Variants in DOCK2 observed in about 807,000 individuals in gnomAD.
DOCK2 encodes dedicator of cytokinesis 2.
In DOCK2, 87 loss-of-function variants were observed where a neutral mutation model predicts 248.9. The ratio of observed to expected loss-of-function variants is 0.35; its 90% CI spans 0.29 to 0.42. DOCK2 has a LOEUF of 0.42. Ranked by LOEUF, DOCK2 falls within the 10% of genes least tolerant of loss-of-function variation. DOCK2 has a pLI of 1.00. For missense variants in DOCK2, 1,747 were observed against 2,300.2 expected, an observed-to-expected ratio of 0.76 and a Z score of 4.92; for synonymous variants, 805 against 821.6, an observed-to-expected ratio of 0.98 and a Z score of 0.35.
chr5:169,778,374 G>T (rs1765501477), intron 25 of DOCK2, among the ~76,000 whole-genome samples: 1 of 152,166 alleles, frequency 6.6e-6, no homozygotes, highest in South Asian at 2.1e-4. Flanking sequence ...TAATATTTTT[G>T]TTCTTATAAA....
intron 27 of DOCK2, among the ~76,000 whole-genome samples, chr5:169,864,775 T>C (rs750229997): frequency 2.0e-5 from 3 of 152,184 alleles, no homozygotes; most frequent in Non-Finnish European, 2.9e-5. Context: ...TTGGCATGTG[T>C]TATGCATGAA....
chr5:169,785,501 A>G (rs930039925), intron 25 of DOCK2, among the ~76,000 whole-genome samples: 5 of 152,234 alleles, frequency 3.3e-5, no homozygotes, highest in Non-Finnish European at 5.9e-5. Context: ...ATTAAAATGG[A>G]GAGTAGAACT....
At chr5:169,808,594 C>CG (rs571314456) in intron 26 of DOCK2, among the ~76,000 whole-genome samples, 39 of 152,036 alleles carry the variant, frequency 2.6e-4, no homozygotes, top group African/African-American at 8.7e-4. Flanking sequence ...TTTTCTCCCC[C>CG]CTCACTGAGC....
At chr5:169,749,174 A>C (rs1376230053) in intron 23 of DOCK2, among the ~76,000 whole-genome samples, 1 of 152,218 alleles carries the variant, frequency 6.6e-6, no homozygotes, top group African/African-American at 2.4e-5. Context: ...ACAGCCATAC[A>C]CATAGGTGGA....
chr5:169,651,158 A>G (rs1221759393), intron 1 of DOCK2, among the ~76,000 whole-genome samples: 1 of 152,228 alleles, frequency 6.6e-6, no homozygotes, highest in Non-Finnish European at 1.5e-5. Context: ...CCTGTTAGTC[A>G]TCTAGAAGAC....
intron 15 of DOCK2, 83 bp from the exon 16 acceptor site, chr5:169,711,852 G>A: frequency 6.9e-7 from 1 of 1,458,558 alleles, no homozygotes; most frequent in Admixed American, 1.7e-5. Flanking sequence ...AAATGGTCAG[G>A]CTGCTGTGGA....
intron 23 of DOCK2, among the ~76,000 whole-genome samples, chr5:169,748,397 T>G (rs1763726135): frequency 6.6e-6 from 1 of 152,120 alleles, no homozygotes; most frequent in Non-Finnish European, 1.5e-5. Flanking sequence ...TGATGCCTGG[T>G]TACAACCACC....
At chr5:169,972,407 A>C (rs534436228) in intron 27 of DOCK2, among the ~76,000 whole-genome samples, 9 of 152,318 alleles carry the variant, frequency 5.9e-5, no homozygotes, top group Admixed American at 2.6e-4. Context: ...GTATTGTAGG[A>C]TATTTTAGCA....
At chr5:170,077,647 C>A in intron 47 of DOCK2, 63 bp from the exon 48 acceptor site, 1 of 1,596,990 alleles carries the variant, frequency 6.3e-7, no homozygotes, top group Non-Finnish European at 8.5e-7. Flanking sequence ...AAGAAGGTGA[C>A]AGGAAGGCTG....
intron 17 of DOCK2, 73 bp downstream of exon 17, chr5:169,712,296 G>C: frequency 7.3e-7 from 1 of 1,375,868 alleles, no homozygotes; most frequent in Non-Finnish European, 1.0e-6. Flanking sequence ...AAATTGCTTA[G>C]TGGTCAACAG....
At chr5:169,910,753 G>T (rs898152003) in intron 27 of DOCK2, among the ~76,000 whole-genome samples, 1 of 152,210 alleles carries the variant, frequency 6.6e-6, no homozygotes, top group East Asian at 1.9e-4. Context: ...TTGGACTGAT[G>T]ACTAAACTTT....
intron 11 of DOCK2, among the ~76,000 whole-genome samples, chr5:169,699,037 T>C (rs1286897181): frequency 6.6e-6 from 1 of 152,146 alleles, no homozygotes; most frequent in Non-Finnish European, 1.5e-5. Flanking sequence ...GTCCAGGTAA[T>C]GAGGCTAGTG....
chr5:169,688,696 A>C (rs1187368359), intron 8 of DOCK2, among the ~76,000 whole-genome samples: 1 of 152,176 alleles, frequency 6.6e-6, no homozygotes, highest in Non-Finnish European at 1.5e-5. Context: ...ATTTTATATA[A>C]ATAGTGTTAC....
chr5:169,943,172 G>A (rs1218845774), intron 27 of DOCK2, among the ~76,000 whole-genome samples: 1 of 152,170 alleles, frequency 6.6e-6, no homozygotes, highest in Non-Finnish European at 1.5e-5. Context: ...AAGTACCCGT[G>A]TGAAGTTGAG....
chr5:169,812,169 C>T (rs1295784066), intron 26 of DOCK2, among the ~76,000 whole-genome samples: 1 of 152,214 alleles, frequency 6.6e-6, no homozygotes, highest in African/African-American at 2.4e-5. Flanking sequence ...TCTGTATTTA[C>T]AGTCACTCCG....
At chr5:169,961,184 G>C (rs1025197123) in intron 27 of DOCK2, among the ~76,000 whole-genome samples, 5 of 152,150 alleles carry the variant, frequency 3.3e-5, no homozygotes, top group African/African-American at 1.2e-4. Flanking sequence ...AGATGAGGGG[G>C]CATAAATGGG....
intron 27 of DOCK2, among the ~76,000 whole-genome samples, chr5:169,865,763 T>C (rs891887049): frequency 9.9e-5 from 15 of 152,224 alleles, no homozygotes; most frequent in Admixed American, 9.8e-4. Flanking sequence ...AATGAAATGT[T>C]GCATCTGGGA....
At chr5:169,972,870 C>T (rs1049600460) in intron 27 of DOCK2, among the ~76,000 whole-genome samples, 3 of 152,136 alleles carry the variant, frequency 2.0e-5, no homozygotes, top group Non-Finnish European at 2.9e-5. Context: ...TTGAGCAATG[C>T]AGAGTTTGCA....
At position 170,082,810 on chromosome 5, in the gene DOCK2, G is replaced by T. The variant is rs200128185; in HGVS notation, c.5445G>T (p.Ser1815=). Residue 1815 remains serine, a synonymous_variant, in exon 52 of 52, where the codon TCG becomes TCT. Transcript: ENST00000520908. ...TCTCTCAAAAGCTGGCCAGCAAATC[G>T]GCTGAAGAAGGCAAACAGATCCCAG... ...QFFKTMLASK[S]AEEGKQIPDS... is the part of the protein sequence containing the mutation. The T allele has an allele frequency of 5.0e-6, 8 of 1,614,132 alleles. No homozygotes were observed. Among genetic ancestry groups the T allele is most frequent in the Non-Finnish European group, 6.8e-6 (8 of 1,180,020 alleles).
Sources: allele counts gnomAD v4.1 joint callset (sites outside exome capture counted in the v4.1 genomes callset), GRCh38; gene constraint gnomAD v4.1.1; transcripts MANE v1.5; gene names NCBI Gene and HGNC (gene_info 2026-07-23, HGNC 2026-07-21).